Variants in ANXA3 observed in about 807,000 individuals in gnomAD.
ANXA3 encodes 35-alpha calcimedin.
Under a neutral mutation model 48.8 loss-of-function variants are expected in ANXA3, and 46 were observed. The observed-to-expected ratio is 0.94, with a 90% CI of 0.74 to 1.21. The LOEUF (loss-of-function observed/expected upper bound fraction) is 1.21. Among genes scored for constraint, ANXA3 ranks in the 50% most tolerant of loss-of-function variants. ANXA3 has a pLI of 0.00. For synonymous variants in ANXA3, 128 were observed against 134.7 expected, an observed-to-expected ratio of 0.95 and a Z score of 0.35; for missense variants, 383 against 378.6, an observed-to-expected ratio of 1.01 and a Z score of -0.10.
chr4:78,595,736 C>T (rs536914599), intron 8 of ANXA3, 58 bp from the exon 9 acceptor site: 31 of 1,066,562 alleles, frequency 2.9e-5, no homozygotes, highest in Admixed American at 5.5e-5. Context: ...CGATTCTTCT[C>T]ATGTCACCTC....
At chr4:78,597,213 T>A (rs1188442771) in intron 9 of ANXA3, 106 bp from the exon 10 acceptor site, 6 of 712,916 alleles carry the variant, frequency 8.4e-6, no homozygotes, top group Non-Finnish European at 1.4e-5. Context: ...AAGAGGGAGT[T>A]TTTTAGCTTG....
At position 78,579,127 on chromosome 4, in the gene ANXA3, G is replaced by T. The variant is rs761922845; in HGVS notation, c.198+6G>T. On this transcript the variant is annotated splice_donor_region_variant and intron_variant, in intron 4 of 12. Coordinates refer to ENST00000264908, the MANE Select transcript of ANXA3 (RefSeq NM_005139.3). ...ATCAAGCAGCATATGGAAAGGTAAG[G>T]TCACATTAACATGACAGGCAGTAAA... is the stretch of plus-strand genomic sequence containing the variant. 6.3e-7 allele frequency: 1 copy of T among 1,598,628 alleles called. No individual in the cohort carries two copies. Among genetic ancestry groups the T allele is most frequent in the Admixed American group, 1.7e-5 (1 of 59,886 alleles).
chr4:78,581,278 C>T (rs11939119), intron 4 of ANXA3, among the ~76,000 whole-genome samples: 5,832 of 152,204 alleles, frequency 0.038, 390 homozygotes, highest in African/African-American at 0.13. Flanking sequence ...CAGGAACAAA[C>T]ATTATTCAGT....
intron 2 of ANXA3, among the ~76,000 whole-genome samples, chr4:78,561,027 C>T (rs1049782950): frequency 6.6e-5 from 10 of 151,994 alleles, no homozygotes; most frequent in African/African-American, 2.4e-4. Context: ...ATGTATTTTT[C>T]ATATGTGGGA....
intron 2 of ANXA3, among the ~76,000 whole-genome samples, chr4:78,562,885 A>T (rs1722653345): frequency 6.6e-6 from 1 of 152,212 alleles, no homozygotes; most frequent in Non-Finnish European, 1.5e-5. Context: ...AGACGGAATG[A>T]TAAGTGTAAG....
intron 2 of ANXA3, among the ~76,000 whole-genome samples, chr4:78,565,054 C>T (rs187626772): frequency 4.0e-5 from 6 of 148,200 alleles, no homozygotes; most frequent in African/African-American, 1.2e-4. Flanking sequence ...AGTGCAGTAG[C>T]ACGATCTCAG....
chr4:78,610,208 A>T lies in ANXA3; in HGVS notation c.*93A>T, dbSNP rs1723730626. 3 of 801,270 alleles carry T rather than the reference A, an allele frequency of 3.7e-6. No homozygotes were observed. In the South Asian group the frequency reaches 6.3e-5, roughly 17 times the overall value. 49.6% of individuals were successfully genotyped at this position (801,270 alleles called of 1,614,324 possible). ...ACTATTTAAGAGAACAAGCAAATAT[A>T]AACAGCAACTTGTGTTCCTAACAGG... On this transcript the variant is annotated 3_prime_UTR_variant, in exon 13 of 13. Coordinates refer to ENST00000264908, the MANE Select transcript of ANXA3 (RefSeq NM_005139.3).
At chr4:78,602,537 C>T (rs1361700146) in intron 11 of ANXA3, 1 of 152,132 alleles carries the variant, frequency 6.6e-6, no homozygotes, top group Non-Finnish European at 1.5e-5. Context: ...TTAAAATAAA[C>T]CAAGCTGAGT....
chr4:78,562,803 G>A (rs774218612), intron 2 of ANXA3, among the ~76,000 whole-genome samples: 1 of 152,182 alleles, frequency 6.6e-6, no homozygotes, highest in Admixed American at 6.5e-5. Context: ...TTTCTGCTCA[G>A]ATATAGGAGG....
chr4:78,592,715 AT>A (rs1394557231), intron 7 of ANXA3, among the ~76,000 whole-genome samples: 1 of 152,238 alleles, frequency 6.6e-6, no homozygotes, highest in Non-Finnish European at 1.5e-5. Flanking sequence ...TAAAACTAAA[AT>A]ACTAACAATA....
intron 7 of ANXA3, among the ~76,000 whole-genome samples, chr4:78,592,319 T>C (rs1052799341): frequency 2.6e-5 from 4 of 152,306 alleles, no homozygotes; most frequent in African/African-American, 9.6e-5. Context: ...CTGATTTACA[T>C]AGCACCTAAA....
chr4:78,559,638 G>A (rs1722586364), intron 2 of ANXA3, among the ~76,000 whole-genome samples: 1 of 152,196 alleles, frequency 6.6e-6, no homozygotes, highest in African/African-American at 2.4e-5. Context: ...CAAGTACCTA[G>A]TGCGACAGGC....
chr4:78,559,958 C>T (rs1380016374), intron 2 of ANXA3, among the ~76,000 whole-genome samples: 1 of 152,110 alleles, frequency 6.6e-6, no homozygotes, highest in East Asian at 1.9e-4. Context: ...AATAATATCG[C>T]TGCAACTGTT....
intron 7 of ANXA3, 71 bp from the exon 8 acceptor site, chr4:78,595,310 C>G (rs1723395587): frequency 1.7e-5 from 26 of 1,515,324 alleles, no homozygotes; most frequent in Non-Finnish European, 2.2e-5. Context: ...AGATCCCCTG[C>G]TGGTTGAAGT....
intron 12 of ANXA3, among the ~76,000 whole-genome samples, chr4:78,604,930 A>T (rs1449332187): frequency 1.3e-5 from 2 of 152,240 alleles, no homozygotes; most frequent in South Asian, 2.1e-4. Flanking sequence ...ATGTTGTATA[A>T]TGCATACACA....
At chr4:78,593,840 AAGGTCTC>A (rs1723357808) in intron 7 of ANXA3, among the ~76,000 whole-genome samples, 1 of 144,054 alleles carries the variant, frequency 6.9e-6, no homozygotes, top group Non-Finnish European at 1.5e-5. Context: ...AGAGCGAGAG[AAGGTCTC>A]ACTCTTGCAT....
chr4:78,603,805 C>G (rs968708909), intron 11 of ANXA3: 1 of 152,336 alleles, frequency 6.6e-6, no homozygotes, highest in African/African-American at 2.4e-5. Flanking sequence ...CTTTATTGCC[C>G]TAAACCTTCA....
chr4:78,567,928 T>C (rs1722764483), intron 2 of ANXA3, among the ~76,000 whole-genome samples: 1 of 152,250 alleles, frequency 6.6e-6, no homozygotes, highest in Admixed American at 6.5e-5. Flanking sequence ...CATTCTGGTC[T>C]CATACTGGCA....
chr4:78,584,520 A>C (rs1253920520), intron 5 of ANXA3, among the ~76,000 whole-genome samples: 1 of 151,982 alleles, frequency 6.6e-6, no homozygotes, highest in Non-Finnish European at 1.5e-5. Context: ...TTTTTCATCT[A>C]ACTAAAAGGC....
Sources: allele counts gnomAD v4.1 joint callset (sites outside exome capture counted in the v4.1 genomes callset), GRCh38; gene constraint gnomAD v4.1.1; transcripts MANE v1.5; gene names NCBI Gene and HGNC (gene_info 2026-07-23, HGNC 2026-07-21).